MICOS10: variants seen among roughly 807,000 people sequenced by gnomAD.
MICOS10 encodes the protein MICOS complex subunit MIC10.
In MICOS10, 5 loss-of-function variants were observed where a neutral mutation model predicts 13.4. The ratio of observed to expected loss-of-function variants is 0.37; its 90% confidence interval spans 0.20 to 0.78. The LOEUF (loss-of-function observed/expected upper bound fraction) is 0.78. Ranked by LOEUF, MICOS10 falls within the 30% of genes least tolerant of loss-of-function variation. The pLI is 0.47. For missense variants in MICOS10, 101 were observed against 94.6 expected (o/e 1.07, Z -0.28); for synonymous variants, 35 against 33.6 (o/e 1.04, Z -0.15).
chr1:19,600,517 AAGAT>A (rs748122428), intron 1 of MICOS10, among the ~76,000 whole-genome samples: 2 of 152,208 alleles, frequency 1.3e-5, no homozygotes, highest in Non-Finnish European at 2.9e-5. Context: ...AGCCTGTCAT[AAGAT>A]AGGTAAGAGG....
chr1:19,627,994 T>A lies in MICOS10; in HGVS notation c.*1593T>A, dbSNP rs975517715. ...TTGGCTGTTTTTCACTTGGTCCTCT[T>A]CATTCTATGATTAAGGCAACCCATA... On this transcript the variant is annotated 3_prime_UTR_variant, in exon 4 of 4. Coordinates refer to ENST00000322753, the MANE Select transcript of MICOS10 (RefSeq NM_001032363.4). 55 of 152,300 alleles carry A rather than the reference T, an allele frequency of 3.6e-4. No individual in the cohort carries two copies. The highest frequency in any genetic ancestry group is 1.3e-3 in the African/African-American group (54 of 41,468). 9.4% of individuals were successfully genotyped at this position (152,300 alleles called of 1,614,324 possible).
intron 1 of MICOS10, among the ~76,000 whole-genome samples, chr1:19,605,132 C>T (rs1394761987): frequency 6.6e-6 from 1 of 152,114 alleles, no homozygotes; most frequent in African/African-American, 2.4e-5. Flanking sequence ...GAACCCCATT[C>T]TTGTAGCTAT....
intron 1 of MICOS10, chr1:19,608,637 A>T: frequency 1.5e-6 from 1 of 685,842 alleles, no homozygotes; most frequent in Non-Finnish European, 2.6e-6. Context: ...AAAAAGTGAA[A>T]CCTGTAAGAG....
At chr1:19,614,287 C>G (rs1038658179) in intron 1 of MICOS10, among the ~76,000 whole-genome samples, 3 of 151,320 alleles carry the variant, frequency 2.0e-5, no homozygotes, top group African/African-American at 7.3e-5. Flanking sequence ...AAGTTCTCAG[C>G]TTTTTCTTTG....
rs1034754326 is a variant in MICOS10 at position 19,599,035 on chromosome 1, C to T, written c.64+1926C>T. On this transcript the variant is annotated intron_variant, in intron 1 of 3. Transcript: ENST00000322753. ...AAAATGCCAGGATTACAGGCATGAG[C>T]CAATGCGCCACACTCATAGTAGTTG... Among the ~76,000 whole-genome samples the T allele has an allele frequency of 3.3e-5, 5 of 152,180 alleles. No homozygotes were observed. The South Asian group carries it at 1.0e-3, about 32-fold the overall frequency.
At chr1:19,609,753 CTATTTACA>C (rs926880300) in intron 1 of MICOS10, among the ~76,000 whole-genome samples, 1 of 152,172 alleles carries the variant, frequency 6.6e-6, no homozygotes, top group African/African-American at 2.4e-5. Flanking sequence ...CTTTATGATC[CTATTTACA>C]TATTTACATA....
rs367908783 is a variant in MICOS10 at position 19,596,983 on chromosome 1, G to T, written c.-63G>T. 3.4e-5 allele frequency: 52 copies of T among 1,518,464 alleles called. No individual in the cohort carries two copies. In the African/African-American group the frequency reaches 7.3e-4, roughly 21 times the overall value. 94.1% of individuals were successfully genotyped at this position (1,518,464 alleles called of 1,614,324 possible). A position where few individuals can be genotyped will look rare whatever the true frequency, so the allele number is the denominator to read the frequency against. ...TGGGACTTGTTTCCAGCTCTCGCGA[G>T]ACTTTCAGGGGTCGGAGCGCGGGGG... is the stretch of plus-strand genomic sequence containing the variant. On this transcript the variant is annotated 5_prime_UTR_variant, in exon 1 of 4. Coordinates refer to ENST00000322753, the MANE Select transcript of MICOS10 (RefSeq NM_001032363.4).
intron 1 of MICOS10, among the ~76,000 whole-genome samples, chr1:19,600,367 C>T (rs2094809317): frequency 6.6e-6 from 1 of 152,108 alleles, no homozygotes; most frequent in Non-Finnish European, 1.5e-5. Context: ...GTCTTTGAAA[C>T]CATGAAGGTG....
intron 3 of MICOS10, chr1:19,625,242 T>C (rs1030471221): frequency 1.3e-6 from 1 of 796,032 alleles, no homozygotes; most frequent in Non-Finnish European, 1.7e-6. Context: ...AAAAGGGTGA[T>C]TGACTTGTCC....
chr1:19,605,097 G>A (rs147725390), intron 1 of MICOS10, among the ~76,000 whole-genome samples: 5 of 152,240 alleles, frequency 3.3e-5, no homozygotes, highest in African/African-American at 1.2e-4. Flanking sequence ...AGGATCACAG[G>A]CTACAGCTGC....
At chr1:19,624,700 C>G (rs997846043) in intron 3 of MICOS10, among the ~76,000 whole-genome samples, 1 of 152,260 alleles carries the variant, frequency 6.6e-6, no homozygotes, top group South Asian at 2.1e-4. Context: ...ATTTTCCTTA[C>G]TTGATGATTA....
At chr1:19,599,543 G>A (rs2094805964) in intron 1 of MICOS10, among the ~76,000 whole-genome samples, 1 of 152,160 alleles carries the variant, frequency 6.6e-6, no homozygotes, top group African/African-American at 2.4e-5. Context: ...CTCTTTTGCT[G>A]TAGGGTTGTA....
At chr1:19,625,823 A>G (rs761676090) in intron 3 of MICOS10, among the ~76,000 whole-genome samples, 2 of 152,168 alleles carry the variant, frequency 1.3e-5, no homozygotes, top group Non-Finnish European at 2.9e-5. Flanking sequence ...CTGTGCCTCG[A>G]TGTTGTCATC....
At chr1:19,619,251 C>T (rs2094895163) in intron 1 of MICOS10, among the ~76,000 whole-genome samples, 1 of 152,184 alleles carries the variant, frequency 6.6e-6, no homozygotes, top group African/African-American at 2.4e-5. Flanking sequence ...GGGCTAACAT[C>T]CAAAATACAT....
chr1:19,602,807 G>A (rs1344774159), intron 1 of MICOS10, among the ~76,000 whole-genome samples: 1 of 152,152 alleles, frequency 6.6e-6, no homozygotes, highest in Non-Finnish European at 1.5e-5. Flanking sequence ...TTTCTTATTA[G>A]TGAGGCTAGA....
At chr1:19,604,800 G>A (rs1558338219) in intron 1 of MICOS10, among the ~76,000 whole-genome samples, 1 of 152,172 alleles carries the variant, frequency 6.6e-6, no homozygotes, top group Non-Finnish European at 1.5e-5. Context: ...CTGCCTTGAG[G>A]AATGTGAAAA....
intron 1 of MICOS10, among the ~76,000 whole-genome samples, chr1:19,609,523 C>T (rs190689751): frequency 3.0e-4 from 45 of 152,326 alleles, no homozygotes; most frequent in Non-Finnish European, 5.3e-4. Flanking sequence ...CACACAAAGA[C>T]TTACACATGC....
chr1:19,602,125 G>A (rs1261349483), intron 1 of MICOS10, among the ~76,000 whole-genome samples: 1 of 152,166 alleles, frequency 6.6e-6, no homozygotes, highest in Non-Finnish European at 1.5e-5. Context: ...TCCCTGGAAT[G>A]TAAACTTCAT....
intron 1 of MICOS10, chr1:19,608,400 A>G: frequency 7.9e-7 from 1 of 1,267,284 alleles, no homozygotes; most frequent in Non-Finnish European, 1.2e-6. Flanking sequence ...CTACACATCC[A>G]ACTCCGGGCC....
Sources: allele counts gnomAD v4.1 joint callset (sites outside exome capture counted in the v4.1 genomes callset), GRCh38; gene constraint gnomAD v4.1.1; transcripts MANE v1.5; gene names NCBI Gene and HGNC (gene_info 2026-07-23, HGNC 2026-07-21).